The following STK39 variants were observed in gnomAD, a reference collection of about 807,000 sequenced individuals.
STK39 encodes the protein STE20/SPS1-related proline-alanine-rich protein kinase.
A neutral mutation model predicts 77.8 loss-of-function variants in STK39; 20 were observed. The ratio of observed to expected loss-of-function variants is 0.26; its 90% confidence interval spans 0.18 to 0.37. STK39 has a LOEUF of 0.37. STK39 is among the 10% of genes least tolerant of loss of function. STK39 has a pLI of 1.00. For synonymous variants in STK39, 246 were observed against 234.1 expected (o/e 1.05, Z -0.47); for missense variants, 479 against 656.5 (o/e 0.73, Z 2.95).
intron 1 of STK39, among the ~76,000 whole-genome samples, chr2:168,238,939 G>C (rs1690687832): frequency 6.6e-6 from 1 of 152,064 alleles, no homozygotes; most frequent in African/African-American, 2.4e-5. Context: ...ATGATTACAT[G>C]GAGAATTTTA....
intron 10 of STK39, among the ~76,000 whole-genome samples, chr2:168,094,306 C>A (rs1458732076): frequency 6.6e-6 from 1 of 152,162 alleles, no homozygotes; most frequent in African/African-American, 2.4e-5. Context: ...GATATATGAA[C>A]AATAAATGTG....
At chr2:168,214,861 C>T (rs951167288) in intron 1 of STK39, among the ~76,000 whole-genome samples, 1 of 152,190 alleles carries the variant, frequency 6.6e-6, no homozygotes, top group African/African-American at 2.4e-5. Context: ...TTCCTCTACA[C>T]TGGAAATCCA....
chr2:168,057,733 A>G (rs994178892), intron 14 of STK39, among the ~76,000 whole-genome samples: 1 of 151,662 alleles, frequency 6.6e-6, no homozygotes, highest in Non-Finnish European at 1.5e-5. Flanking sequence ...TTTTCCTTCC[A>G]CTCTCAACTA....
chr2:168,111,208 GGTT>G (rs1687112791), intron 10 of STK39, among the ~76,000 whole-genome samples: 1 of 152,022 alleles, frequency 6.6e-6, no homozygotes, highest in African/African-American at 2.4e-5. Context: ...ATATCCTTTT[GGTT>G]GTTGTTTGAA....
chr2:168,180,665 T>A (rs1460074128), intron 2 of STK39, among the ~76,000 whole-genome samples: 1 of 152,142 alleles, frequency 6.6e-6, no homozygotes, highest in Non-Finnish European at 1.5e-5. Flanking sequence ...TGAAAACTGG[T>A]TGGGTGACAA....
chr2:167,965,832 T>C (rs1321399283), intron 16 of STK39, among the ~76,000 whole-genome samples: 8 of 152,182 alleles, frequency 5.3e-5, no homozygotes, highest in African/African-American at 1.9e-4. Flanking sequence ...TAGAAAAATT[T>C]AAGTAGAAAG....
intron 14 of STK39, among the ~76,000 whole-genome samples, chr2:168,028,483 T>C (rs1207632066): frequency 6.6e-6 from 1 of 152,186 alleles, no homozygotes; most frequent in African/African-American, 2.4e-5. Context: ...AATATATTTA[T>C]TGAACTTATT....
chr2:168,133,762 G>T (rs1052082161), intron 8 of STK39, among the ~76,000 whole-genome samples: 1 of 151,948 alleles, frequency 6.6e-6, no homozygotes, highest in African/African-American at 2.4e-5. Flanking sequence ...GGAGGCTGAG[G>T]CAGGAGAATC....
intron 5 of STK39, among the ~76,000 whole-genome samples, chr2:168,159,949 A>G (rs1688527609): frequency 6.6e-6 from 1 of 152,164 alleles, no homozygotes; most frequent in Non-Finnish European, 1.5e-5. Context: ...CAGTGCAGGC[A>G]CGTACTGGGT....
intron 16 of STK39, among the ~76,000 whole-genome samples, chr2:167,989,683 C>T (rs1048211652): frequency 1.3e-5 from 2 of 151,970 alleles, no homozygotes; most frequent in Non-Finnish European, 2.9e-5. Context: ...ATTTACATAT[C>T]CAGAATAAGA....
At chr2:168,181,287 TCA>T (rs1574533458) in intron 2 of STK39, among the ~76,000 whole-genome samples, 2 of 152,178 alleles carry the variant, frequency 1.3e-5, no homozygotes, top group East Asian at 3.9e-4. Flanking sequence ...CTCAAACCCT[TCA>T]CAGTTTGCCG....
At chr2:168,112,151 A>T (rs1687135792) in intron 10 of STK39, among the ~76,000 whole-genome samples, 1 of 151,968 alleles carries the variant, frequency 6.6e-6, no homozygotes, top group Non-Finnish European at 1.5e-5. Flanking sequence ...AGGAGCCAAA[A>T]GTGGAAATCC....
chr2:168,205,564 G>A (rs1689720364), intron 1 of STK39, among the ~76,000 whole-genome samples: 1 of 152,126 alleles, frequency 6.6e-6, no homozygotes, highest in Non-Finnish European at 1.5e-5. Flanking sequence ...CAACACTTTG[G>A]GAGGCTGAGG....
Position 168,140,767 on chromosome 2 carries a change from G to GA in STK39, c.629-10dup, listed in dbSNP as rs552465331. 521 of 1,547,084 alleles carry GA rather than the reference G, an allele frequency of 3.4e-4. No individual in the cohort carries two copies. Among genetic ancestry groups the GA allele is most frequent in the Admixed American group, 3.1e-3 (147 of 48,126 alleles). On this transcript the variant is annotated splice_polypyrimidine_tract_variant and intron_variant, in intron 5 of 17. Transcript: ENST00000355999. ...CGCACTTACCCCAAAATCTGAAAGGGAAAAAAAAATCACCTTTATTTTATG... is the reference window on the plus strand; with the variant it reads ...CGCACTTACCCCAAAATCTGAAAGGGAAAAAAAAAATCACCTTTATTTTATG...
intron 16 of STK39, among the ~76,000 whole-genome samples, chr2:167,989,879 A>T (rs1683654503): frequency 6.6e-6 from 1 of 152,172 alleles, no homozygotes; most frequent in East Asian, 1.9e-4. Flanking sequence ...AAAAAAAATC[A>T]TGATTAAAGT....
At chr2:167,999,073 T>C (rs1265367851) in intron 16 of STK39, among the ~76,000 whole-genome samples, 1 of 152,228 alleles carries the variant, frequency 6.6e-6, no homozygotes, top group Non-Finnish European at 1.5e-5. Context: ...CAAGGTCCTT[T>C]GTGATCTGGC....
intron 1 of STK39, among the ~76,000 whole-genome samples, chr2:168,202,051 G>A (rs576742910): frequency 3.7e-4 from 57 of 152,230 alleles, no homozygotes; most frequent in African/African-American, 1.3e-3. Context: ...TGGGCCCCCC[G>A]CCCCCGCTAC....
Position 168,063,491 on chromosome 2 carries a change from A to ATTATTTACCTTAATCTCAAAACGAGG in STK39, c.1359_1376+8dup. 6.2e-7 allele frequency: 1 copy of ATTATTTACCTTAATCTCAAAACGAGG among 1,608,910 alleles called. No homozygotes were observed. On this transcript the variant is annotated intron_variant, in intron 14 of 17. Transcript: ENST00000355999. ...AAAACAATGCAGAATAAACAACAGTATTATTTACCTTAATCTCAAAACGAG... is the reference window on the plus strand; with the variant it reads ...AAAACAATGCAGAATAAACAACAGTATTATTTACCTTAATCTCAAAACGAGGTTATTTACCTTAATCTCAAAACGAG...
chr2:168,082,222 A>G (rs1686253170), intron 10 of STK39, among the ~76,000 whole-genome samples: 1 of 152,130 alleles, frequency 6.6e-6, no homozygotes, highest in Admixed American at 6.5e-5. Flanking sequence ...TCATCTGTAA[A>G]TATGCTTAAG....
Sources: allele counts gnomAD v4.1 joint callset (sites outside exome capture counted in the v4.1 genomes callset), GRCh38; gene constraint gnomAD v4.1.1; transcripts MANE v1.5; gene names NCBI Gene and HGNC (gene_info 2026-07-23, HGNC 2026-07-21).